RBFOX3: variants seen among roughly 807,000 people sequenced by gnomAD.
RBFOX3 encodes the protein RNA binding protein fox-1 homolog 3.
Under a neutral mutation model 48.7 loss-of-function variants are expected in RBFOX3, and 17 were observed. The observed-to-expected ratio is 0.35, with a 90% CI of 0.24 to 0.52. The LOEUF is 0.52. Ranked by LOEUF, RBFOX3 falls within the 20% of genes least tolerant of loss-of-function variation. The pLI is 0.94. For synonymous variants in RBFOX3, 212 were observed against 209.5 expected, an observed-to-expected ratio of 1.01 and a Z score of -0.10; for missense variants, 382 against 497.5, an observed-to-expected ratio of 0.77 and a Z score of 2.21.
intron 1 of RBFOX3, among the ~76,000 whole-genome samples, chr17:79,525,155 A>C (rs2086633089): frequency 6.6e-6 from 1 of 152,134 alleles, no homozygotes; most frequent in African/African-American, 2.4e-5. Flanking sequence ...GTTCATTCCT[A>C]GTTGTGGGGC....
At position 79,269,169 on chromosome 17, in the gene RBFOX3, G is replaced by T. The variant is rs78003838; in HGVS notation, c.-73-33364C>A. Among the ~76,000 whole-genome samples, 1,447 of 152,318 alleles carry T rather than the reference G, an allele frequency of 9.5e-3. 22 individuals carry two copies. Among genetic ancestry groups the T allele is most frequent in the African/African-American group, 0.033 (1,386 of 41,560 alleles). On this transcript the variant is annotated intron_variant, in intron 3 of 14. Coordinates refer to ENST00000693108, the MANE Select transcript of RBFOX3 (RefSeq NM_001350451.2). ...AGGAAGAAGGCATGGGAGGGCTGAGGCAGAGATTGCAGTGATGCTGTCCCC... is the reference window on the plus strand; with the variant it reads ...AGGAAGAAGGCATGGGAGGGCTGAGTCAGAGATTGCAGTGATGCTGTCCCC...
At position 79,527,008 on chromosome 17, in the gene RBFOX3, C is replaced by CCAAT. The variant is rs1351327253; in HGVS notation, c.-319-44414_-319-44411dup. On this transcript the variant is annotated intron_variant, in intron 1 of 14. Transcript: ENST00000693108. ...CACCTGTCAGCCCCATGACCAGTGGCCAATCCCCCAGGTCAGGCATCTGCC... is the reference window on the plus strand; with the variant it reads ...CACCTGTCAGCCCCATGACCAGTGGCCAATCAATCCCCCAGGTCAGGCATCTGCC... 2.0e-5 allele frequency among the ~76,000 whole-genome samples: 3 copies of CCAAT among 152,346 alleles called. No individual in the cohort carries two copies. The East Asian group carries it at 5.8e-4, about 29-fold the overall frequency.
chr17:79,536,913 G>A (rs376870988), intron 1 of RBFOX3, among the ~76,000 whole-genome samples: 162 of 152,074 alleles, frequency 1.1e-3, no homozygotes, highest in African/African-American at 3.4e-3. Flanking sequence ...GTAAAACCCC[G>A]TCTCTACTAA....
intron 1 of RBFOX3, among the ~76,000 whole-genome samples, chr17:79,561,942 G>A (rs1309517065): frequency 5.3e-5 from 8 of 152,158 alleles, no homozygotes; most frequent in African/African-American, 9.7e-5. Flanking sequence ...CCACTGCTGG[G>A]TGGGCAGCAG....
intron 2 of RBFOX3, among the ~76,000 whole-genome samples, chr17:79,431,825 A>G (rs531739196): frequency 1.3e-5 from 2 of 152,296 alleles, no homozygotes; most frequent in Admixed American, 1.3e-4. Flanking sequence ...CTGAACCATT[A>G]CTATCTTGAG....
intron 2 of RBFOX3, among the ~76,000 whole-genome samples, chr17:79,469,791 C>A (rs1429973219): frequency 6.6e-6 from 1 of 152,128 alleles, no homozygotes; most frequent in Non-Finnish European, 1.5e-5. Context: ...CAGAAGAACA[C>A]GCATGAAGGA....
At chr17:79,530,409 A>C (rs1057066825) in intron 1 of RBFOX3, among the ~76,000 whole-genome samples, 45 of 152,268 alleles carry the variant, frequency 3.0e-4, no homozygotes, top group African/African-American at 9.9e-4. Flanking sequence ...TCTGCCAAAG[A>C]GTATGAAATG....
intron 9 of RBFOX3, among the ~76,000 whole-genome samples, chr17:79,101,040 T>G (rs1397573045): frequency 2.0e-5 from 3 of 151,992 alleles, no homozygotes; most frequent in African/African-American, 2.4e-5. Flanking sequence ...CCCTTCCTCA[T>G]GGTGCTTAAA....
chr17:79,347,381 T>A (rs895186683), intron 2 of RBFOX3, among the ~76,000 whole-genome samples: 1 of 152,116 alleles, frequency 6.6e-6, no homozygotes, highest in Non-Finnish European at 1.5e-5. Flanking sequence ...TCTTTCATCC[T>A]TTTTCTTTAA....
chr17:79,159,470 G>T (rs931533077), intron 4 of RBFOX3, among the ~76,000 whole-genome samples: 1 of 152,148 alleles, frequency 6.6e-6, no homozygotes, highest in African/African-American at 2.4e-5. Context: ...CACAGAGAGG[G>T]CTGGACTCCA....
intron 2 of RBFOX3, among the ~76,000 whole-genome samples, chr17:79,393,956 G>C (rs1421774738): frequency 6.6e-6 from 1 of 151,274 alleles, no homozygotes; most frequent in African/African-American, 2.4e-5. Flanking sequence ...ATCTGAGCCG[G>C]TCACCACGCA....
chr17:79,119,555 G>T (rs1318890813), intron 4 of RBFOX3, among the ~76,000 whole-genome samples: 2 of 152,174 alleles, frequency 1.3e-5, no homozygotes, highest in Admixed American at 6.5e-5. Flanking sequence ...AAGCATCGGG[G>T]TCTAGACCCT....
intron 1 of RBFOX3, among the ~76,000 whole-genome samples, chr17:79,594,418 T>C (rs1016583095): frequency 4.6e-4 from 70 of 152,312 alleles, no homozygotes; most frequent in Non-Finnish European, 8.5e-4. Flanking sequence ...AATGGCTTGC[T>C]GTCCCCAGAT....
intron 1 of RBFOX3, among the ~76,000 whole-genome samples, chr17:79,576,999 C>G (rs2092884726): frequency 6.6e-6 from 1 of 152,068 alleles, no homozygotes; most frequent in Non-Finnish European, 1.5e-5. Flanking sequence ...AACCCAGACC[C>G]CAAAGACCTG....
Position 79,103,211 on chromosome 17 carries a change from C to T in RBFOX3, c.458G>A (p.Arg153Gln), listed in dbSNP as rs566515477. ...CGTCCCATTCAGCTTCTCCCGGGCT[C>T]GGTCAGCATCTGAGCTAGTTTCAAA... ...VTFETSSDAD[R>Q]AREKLNGTIV... Residue 153 changes from arginine (R) to glutamine (Q), a missense_variant, in exon 8 of 15, where the codon CGA (arginine) becomes CAA (glutamine). Physicochemically the swap from Arg to Gln is conservative, Grantham distance 43. Transcript: ENST00000693108. The surrounding 1 kb of genome is among the most constrained non-coding windows in gnomAD (Gnocchi z 6.1). The T allele has an allele frequency of 1.7e-5, 27 of 1,551,266 alleles. No homozygotes were observed. Among genetic ancestry groups the T allele is most frequent in the South Asian group, 2.4e-5 (2 of 84,064 alleles).
At chr17:79,567,613 C>T (rs2092516091) in intron 1 of RBFOX3, among the ~76,000 whole-genome samples, 1 of 152,156 alleles carries the variant, frequency 6.6e-6, no homozygotes, top group African/African-American at 2.4e-5. Flanking sequence ...CAAAATATTG[C>T]TTTGTATCCC....
intron 2 of RBFOX3, among the ~76,000 whole-genome samples, chr17:79,332,371 C>A (rs958915645): frequency 6.6e-6 from 1 of 151,974 alleles, no homozygotes; most frequent in African/African-American, 2.4e-5. Flanking sequence ...TGTGATAAAT[C>A]AATAAACTGC....
chr17:79,146,804 G>T (rs1421095582), intron 4 of RBFOX3, among the ~76,000 whole-genome samples: 1 of 152,232 alleles, frequency 6.6e-6, no homozygotes, highest in East Asian at 1.9e-4. Flanking sequence ...AGCTGGGGAA[G>T]ATGGTGGGTC....
At chr17:79,617,417 C>T in the RBFOX3 span, among the ~76,000 whole-genome samples, 1 of 152,262 alleles carries the variant, frequency 6.6e-6, no homozygotes, top group African/African-American at 2.4e-5. Flanking sequence ...CACGTCCACA[C>T]CCACGGACAC....
Sources: gnomAD v4.1 joint callset for allele counts (sites outside exome capture counted in the v4.1 genomes callset) on GRCh38, gnomAD v4.1.1 for gene constraint, Gnocchi (gnomAD v3.1) non-coding constraint, MANE v1.5 for transcripts, NCBI Gene and HGNC (gene_info 2026-07-23, HGNC 2026-07-21) for gene names.